Variants in NPAS1 observed in about 807,000 individuals in gnomAD.
NPAS1 encodes neuronal PAS domain-containing protein 1.
A neutral mutation model predicts 49.2 loss-of-function variants in NPAS1; 29 were observed. The ratio of observed to expected loss-of-function variants is 0.59; its 90% confidence interval spans 0.44 to 0.80. The LOEUF is 0.80. Ranked by LOEUF, NPAS1 falls within the 30% of genes least tolerant of loss-of-function variation. The pLI is 0.00. For synonymous variants in NPAS1, 408 were observed against 380.4 expected (o/e 1.07, Z -0.84); for missense variants, 825 against 835.5 (o/e 0.99, Z 0.15).
intron 6 of NPAS1, among the ~76,000 whole-genome samples, chr19:47,036,785 G>A (rs1208573274): frequency 6.6e-6 from 1 of 151,838 alleles, no homozygotes; most frequent in Non-Finnish European, 1.5e-5. Flanking sequence ...GGGAGGCTGA[G>A]GCAGAAGGAT....
intron 3 of NPAS1, among the ~76,000 whole-genome samples, chr19:47,031,004 C>G (rs879256775): frequency 7.2e-5 from 11 of 151,914 alleles, no homozygotes; most frequent in Non-Finnish European, 1.3e-4. Flanking sequence ...CTTTCTATTC[C>G]TTTATATCCC....
At chr19:47,024,499 A>AAC (rs2056859848) in intron 3 of NPAS1, among the ~76,000 whole-genome samples, 1 of 151,178 alleles carries the variant, frequency 6.6e-6, no homozygotes, top group Non-Finnish European at 1.5e-5. Context: ...GAAAAAGGAA[A>AAC]AACAACAACA....
In NPAS1 at chr19:47,035,956, G is replaced by A. The variant is rs368940125; in HGVS notation, c.523-8G>A. On this transcript the variant is annotated splice_polypyrimidine_tract_variant and splice_region_variant and intron_variant, in intron 5 of 11. Transcript: ENST00000602212. Reference sequence around the variant, plus strand: ...CCCGCCCCCTGCATTCCCCTCCTTCGCCGGCAGGTGGAGATGACGGGCAGC... The same window carrying A: ...CCCGCCCCCTGCATTCCCCTCCTTCACCGGCAGGTGGAGATGACGGGCAGC... 1.3e-6 allele frequency: 2 copies of A among 1,513,064 alleles called. No homozygotes were observed. Among genetic ancestry groups the A allele is most frequent in the Non-Finnish European group, 1.8e-6 (2 of 1,131,878 alleles). 93.7% of individuals were successfully genotyped at this position (1,513,064 alleles called of 1,614,324 possible).
chr19:47,028,646 C>A (rs2122467895), intron 3 of NPAS1, among the ~76,000 whole-genome samples: 1 of 152,270 alleles, frequency 6.6e-6, no homozygotes, highest in South Asian at 2.1e-4. Context: ...GAGGAGGAAA[C>A]TGAGGCACAG....
rs550099592 is a variant in NPAS1, at chr19:47,031,833, G to A, written c.359-445G>A. 1.2e-4 allele frequency among the ~76,000 whole-genome samples: 18 copies of A among 152,008 alleles called. No homozygotes were observed. The South Asian group carries it at 3.5e-3, about 30-fold the overall frequency. Reference sequence around the variant, plus strand: ...TGTGAGCCACCTCGCCCAGCCTGTTGGTTTCTTATTTATTTATTTTTATGG... The same window carrying A: ...TGTGAGCCACCTCGCCCAGCCTGTTAGTTTCTTATTTATTTATTTTTATGG... On this transcript the variant is annotated intron_variant, in intron 3 of 11. Transcript: ENST00000602212.
intron 11 of NPAS1, among the ~76,000 whole-genome samples, chr19:47,044,426 A>G (rs1053061551): frequency 1.3e-5 from 2 of 152,192 alleles, no homozygotes; most frequent in African/African-American, 4.8e-5. Flanking sequence ...CACACCTGCC[A>G]CATATTGCAT....
chr19:47,022,729 C>T (rs1186503709), intron 3 of NPAS1, among the ~76,000 whole-genome samples: 1 of 152,156 alleles, frequency 6.6e-6, no homozygotes, highest in Admixed American at 6.5e-5. Context: ...CGGCTGGCAT[C>T]CTAGTGGCCA....
intron 9 of NPAS1, 167 bp from the exon 10 acceptor site, chr19:47,040,811 C>T: frequency 3.0e-6 from 2 of 661,064 alleles, no homozygotes; most frequent in South Asian, 2.0e-5. Flanking sequence ...ACCTCTCAGT[C>T]TCTCTGACTC....
At chr19:47,044,620 T>C (rs1477122307) in intron 11 of NPAS1, among the ~76,000 whole-genome samples, 1 of 152,238 alleles carries the variant, frequency 6.6e-6, no homozygotes, top group African/African-American at 2.4e-5. Context: ...GAGGGGACAC[T>C]GTGGGATGTT....
chr19:47,042,785 C>T (rs915025990), intron 10 of NPAS1, 25 bp from the exon 11 acceptor site: 3 of 1,588,822 alleles, frequency 1.9e-6, no homozygotes, highest in African/African-American at 2.7e-5. Context: ...CCCCTGGCTC[C>T]TAACCGCATC....
At chr19:47,042,692 G>A in intron 10 of NPAS1, 118 bp from the exon 11 acceptor site, 1 of 714,208 alleles carries the variant, frequency 1.4e-6, no homozygotes, top group Non-Finnish European at 2.2e-6. Context: ...GCCTCAGGGT[G>A]GGGACTCCAC....
rs1018443671 is a variant in NPAS1, at chr19:47,040,989, G to A, written c.1081G>A (p.Gly361Ser). The change falls in exon 10 of 12, where the codon GGT becomes AGT. Residue 361 changes from glycine to serine, a missense_variant. Gly to Ser is a moderately conservative substitution (Grantham distance 56). Transcript: ENST00000602212. Reference protein sequence around the residue: ...RQSHVDLLDKGQVMTGYYRWL... With the variant: ...RQSHVDLLDKSQVMTGYYRWL... ...TGGGCTGGGCCCAGTGCTGGACAAG[G>A]GTCAGGTGATGACTGGTTACTACCG... 1 of 1,506,334 alleles carries A rather than the reference G, an allele frequency of 6.6e-7. No homozygotes were observed. The highest frequency in any genetic ancestry group is 8.9e-7 in the Non-Finnish European group (1 of 1,126,496). 93.3% of individuals were successfully genotyped at this position (1,506,334 alleles called of 1,614,324 possible). A position where few individuals can be genotyped will look rare whatever the true frequency, so the allele number is the denominator to read the frequency against.
chr19:47,037,449 G>A (rs777953157), intron 6 of NPAS1, among the ~76,000 whole-genome samples: 1 of 151,904 alleles, frequency 6.6e-6, no homozygotes, highest in Non-Finnish European at 1.5e-5. Flanking sequence ...GCACGGCGCG[G>A]AGAGGTTAAG....
In NPAS1 at chr19:47,045,630, G is replaced by C; in HGVS notation, c.1752G>C (p.Arg584Ser). 1.4e-6 allele frequency: 2 copies of C among 1,431,572 alleles called. No individual in the cohort carries two copies. The highest frequency in any genetic ancestry group is 1.5e-5 in the South Asian group (1 of 68,034). 88.7% of individuals were successfully genotyped at this position (1,431,572 alleles called of 1,614,324 possible). ...CCTACCCGGGGCCCGCGGGCACCAG[G>C]CTGCCGCGGAAGGGGGACTGAGGAC... is the stretch of plus-strand genomic sequence containing the variant. Reference protein sequence around the residue: ...GLPYPGPAGTRLPRKGD With the variant: ...GLPYPGPAGTSLPRKGD The change falls in exon 12 of 12, where the codon AGG becomes AGC. Residue 584 changes from arginine to serine, a missense_variant. By Grantham distance (110) the Arg-to-Ser change is moderately radical (BLOSUM62 -1). Coordinates refer to ENST00000602212, the MANE Select transcript of NPAS1 (RefSeq NM_002517.4).
At chr19:47,039,358 C>A in intron 7 of NPAS1, 49 bp from the exon 8 acceptor site, 1 of 1,604,286 alleles carries the variant, frequency 6.2e-7, no homozygotes, top group South Asian at 1.1e-5. Flanking sequence ...GTCCTCTTGC[C>A]CCCACTGGCC....
At chr19:47,023,139 G>A (rs2056851819) in intron 3 of NPAS1, among the ~76,000 whole-genome samples, 1 of 152,240 alleles carries the variant, frequency 6.6e-6, no homozygotes, top group Admixed American at 6.5e-5. Flanking sequence ...CGGCTTCCCA[G>A]GCGGTAATTA....
intron 5 of NPAS1, among the ~76,000 whole-genome samples, chr19:47,033,975 TAAAAAAA>T (rs532811476): frequency 5.0e-5 from 5 of 100,830 alleles, no homozygotes; most frequent in African/African-American, 1.6e-4. Context: ...GGCTATGCCT[TAAAAAAA>T]AAAAAAAAAA....
chr19:47,020,776 C>T (rs1010139109), intron 1 of NPAS1: 17 of 248,206 alleles, frequency 6.8e-5, no homozygotes, highest in African/African-American at 3.7e-4. Context: ...GGCGGGCGCG[C>T]TGGCGGGCGG....
chr19:47,035,975 G>A lies in NPAS1; in HGVS notation c.534G>A (p.Thr178=), dbSNP rs776189700. 8 of 1,523,586 alleles carry A rather than the reference G, an allele frequency of 5.3e-6. No individual in the cohort carries two copies. The highest frequency in any genetic ancestry group is 1.8e-4 in the Middle Eastern group (1 of 5,584). 94.4% of individuals were successfully genotyped at this position (1,523,586 alleles called of 1,614,324 possible). The change falls in exon 6 of 12, where the codon ACG becomes ACA. Residue 178 remains threonine (T), a synonymous_variant. Coordinates refer to ENST00000602212, the MANE Select transcript of NPAS1 (RefSeq NM_002517.4). ...IYLGLSQVEM[T]GSSVFDYIHP... ...TCCTTCGCCGGCAGGTGGAGATGAC[G>A]GGCAGCAGCGTCTTCGACTACATTC...
Sources: gnomAD v4.1 joint callset for allele counts (sites outside exome capture counted in the v4.1 genomes callset) on GRCh38, gnomAD v4.1.1 for gene constraint, MANE v1.5 for transcripts, NCBI Gene and HGNC (gene_info 2026-07-23, HGNC 2026-07-21) for gene names.